The following SMTNL1 variants were observed in gnomAD, a reference collection of about 807,000 sequenced individuals.
SMTNL1 encodes the protein smoothelin-like protein 1.
A neutral mutation model predicts 46.6 loss-of-function variants in SMTNL1; 41 were observed. The ratio of observed to expected loss-of-function variants is 0.88; its 90% CI spans 0.69 to 1.14. The LOEUF is 1.14. Ranked by LOEUF, SMTNL1 falls within the 50% of genes most tolerant of loss-of-function variation. The pLI is 0.00. For synonymous variants in SMTNL1, 234 were observed against 234.2 expected (o/e 1.00, Z 0.01); for missense variants, 591 against 626.1 (o/e 0.94, Z 0.60).
intron 1 of SMTNL1, among the ~76,000 whole-genome samples, chr11:57,540,991 G>C (rs1331727818): frequency 1.2e-4 from 18 of 152,172 alleles, no homozygotes; most frequent in Non-Finnish European, 2.2e-4. Context: ...TTACAGGTGT[G>C]ATCCACCATG....
intron 1 of SMTNL1, 32 bp from the exon 2 acceptor site, chr11:57,542,609 C>A: frequency 6.4e-7 from 1 of 1,564,450 alleles, no homozygotes; most frequent in Non-Finnish European, 8.6e-7. Flanking sequence ...TGGGCTGGGG[C>A]ATGACCAGGT....
chr11:57,548,739 CCT>C (rs1944937989), intron 7 of SMTNL1, among the ~76,000 whole-genome samples: 1 of 151,868 alleles, frequency 6.6e-6, no homozygotes, highest in Non-Finnish European at 1.5e-5. Flanking sequence ...AAGAACATAC[CCT>C]GTCTCCCTTC....
chr11:57,549,485 A>C (rs1944943091), intron 7 of SMTNL1, among the ~76,000 whole-genome samples: 1 of 152,136 alleles, frequency 6.6e-6, no homozygotes, highest in Non-Finnish European at 1.5e-5. Flanking sequence ...GTGGGCTTGG[A>C]ATCAGACCCA....
chr11:57,543,116 C>T lies in SMTNL1; in HGVS notation c.474C>T (p.Asp158=), dbSNP rs1289982193. Residue 158 remains aspartate (D), a synonymous_variant, in exon 2 of 8, where the codon GAC becomes GAT. Coordinates refer to ENST00000527972, the MANE Select transcript of SMTNL1 (RefSeq NM_001105565.3). Reference sequence around the variant, plus strand: ...AGAAAGCCGATGCCAATGACAGAGACAAGCCTGAACCTAAGGCAACAGTTG... The same window carrying T: ...AGAAAGCCGATGCCAATGACAGAGATAAGCCTGAACCTAAGGCAACAGTTG... ...SGQKADANDR[D]KPEPKATVEE... 3 of 1,612,632 alleles carry T rather than the reference C, an allele frequency of 1.9e-6. No homozygotes were observed. The highest frequency in any genetic ancestry group is 2.5e-6 in the Non-Finnish European group (3 of 1,179,318).
chr11:57,545,378 G>C (rs1297143291), intron 4 of SMTNL1, among the ~76,000 whole-genome samples: 1 of 151,722 alleles, frequency 6.6e-6, no homozygotes, highest in African/African-American at 2.4e-5. Context: ...GCTGAGGCGG[G>C]TAGATCACTT....
Position 57,542,930 on chromosome 11 carries a change from G to A in SMTNL1, c.288G>A (p.Lys96=), listed in dbSNP as rs1944891083. 1 of 1,605,018 alleles carries A rather than the reference G, an allele frequency of 6.2e-7. No individual in the cohort carries two copies. The highest frequency in any genetic ancestry group is 1.3e-5 in the African/African-American group (1 of 74,800). ...AGGATGCTGAGGCTGAACTTAAAAAGGAGGATGGTGAGAAGGAAGAGACCA... is the reference window on the plus strand; with the variant it reads ...AGGATGCTGAGGCTGAACTTAAAAAAGAGGATGGTGAGAAGGAAGAGACCA... ...GKEDAEAELK[K]EDGEKEETTV... Residue 96 remains lysine, a synonymous_variant, in exon 2 of 8, where the codon AAG becomes AAA. Coordinates refer to ENST00000527972, the MANE Select transcript of SMTNL1 (RefSeq NM_001105565.3).
At chr11:57,544,281 G>T (rs2848638) in intron 4 of SMTNL1, among the ~76,000 whole-genome samples, 67,358 of 152,028 alleles carry the variant, frequency 0.44, 15,358 homozygotes, top group East Asian at 0.73. Flanking sequence ...TCGGGAGGCT[G>T]AGGCAGGATA....
At position 57,546,515 on chromosome 11, in the gene SMTNL1, G is replaced by C; in HGVS notation, c.1203G>C (p.Gln401His). ...GCCTGCCATAGCATGTGGACATCCA[G>C]AACTTCTCCTCCAGCTGGAGCAGTG... ...MTKKYEHVDI[Q>H]NFSSSWSSGM... Residue 401 changes from glutamine to histidine, a missense_variant, in exon 7 of 8, where the codon CAG (glutamine) becomes CAC (histidine). Coordinates refer to ENST00000527972, the MANE Select transcript of SMTNL1 (RefSeq NM_001105565.3). 6.2e-7 allele frequency: 1 copy of C among 1,614,208 alleles called. No homozygotes were observed. Among genetic ancestry groups the C allele is most frequent in the Non-Finnish European group, 8.5e-7 (1 of 1,180,026 alleles).
intron 7 of SMTNL1, 63 bp downstream of exon 7, chr11:57,546,715 G>C: frequency 6.4e-7 from 1 of 1,559,794 alleles, no homozygotes; most frequent in African/African-American, 1.4e-5. Context: ...GGATTCACAG[G>C]GGTTGAGTAG....
intron 3 of SMTNL1, 55 bp downstream of exon 3, chr11:57,543,811 C>T (rs1590802904): frequency 3.2e-6 from 5 of 1,558,116 alleles, no homozygotes; most frequent in East Asian, 2.4e-5. Context: ...GGGGGAGGGG[C>T]GCAAGAAGCA....
Position 57,542,618 on chromosome 11 carries a change from G to T in SMTNL1, c.-2-23G>T, listed in dbSNP as rs570847768. ...TCATGCTGGGCTGGGGCATGACCAG[G>T]TCTGCTTGTCTTCTCTTTCCAGAGA... On this transcript the variant is annotated intron_variant, in intron 1 of 7. Coordinates refer to ENST00000527972, the MANE Select transcript of SMTNL1 (RefSeq NM_001105565.3). 9.7e-5 allele frequency: 154 copies of T among 1,580,104 alleles called. 1 individual carries two copies. In the South Asian group the frequency reaches 1.7e-3, roughly 17 times the overall value.
At position 57,545,993 on chromosome 11, in the gene SMTNL1, C is replaced by G; in HGVS notation, c.1030C>G (p.Pro344Ala). The G allele has an allele frequency of 2.5e-6, 4 of 1,605,284 alleles. No homozygotes were observed. The highest frequency in any genetic ancestry group is 2.6e-6 in the Non-Finnish European group (3 of 1,176,434). The part of the protein sequence containing the change: ...RVSAPARPRG[P>A]RAQNRKAIVD... ...ATCAGCCCCTGCTCGGCCCCGGGGG[C>G]CCCGGGCACAGAACCGCAAAGCCAT... Residue 344 changes from proline (P) to alanine (A), a missense_variant, in exon 5 of 8, where the codon CCC becomes GCC. Pro to Ala is a conservative substitution (Grantham distance 27, BLOSUM62 -1). Transcript: ENST00000527972.
At chr11:57,539,571 C>T (rs1383164622) in intron 1 of SMTNL1, among the ~76,000 whole-genome samples, 1 of 152,208 alleles carries the variant, frequency 6.6e-6, no homozygotes, top group African/African-American at 2.4e-5. Flanking sequence ...GTGCTGAGTA[C>T]TCATTCATGC....
At chr11:57,548,694 A>G (rs1944937729) in intron 7 of SMTNL1, among the ~76,000 whole-genome samples, 2 of 152,080 alleles carry the variant, frequency 1.3e-5, no homozygotes, top group Admixed American at 1.3e-4. Context: ...AAATACATTA[A>G]AAATATATAA....
intron 1 of SMTNL1, among the ~76,000 whole-genome samples, chr11:57,542,134 AC>A (rs1179996099): frequency 1.3e-5 from 2 of 150,258 alleles, no homozygotes; most frequent in Non-Finnish European, 3.0e-5. Flanking sequence ...ACACACACAC[AC>A]ACACACACAA....
intron 1 of SMTNL1, chr11:57,541,562 G>A (rs779912462): frequency 3.3e-5 from 45 of 1,366,716 alleles, no homozygotes; most frequent in African/African-American, 4.4e-5. Flanking sequence ...GGGAGAGTAC[G>A]GCTCCATTCT....
At position 57,549,980 on chromosome 11, in the gene SMTNL1, CTG is replaced by C; in HGVS notation, c.1356_1357del (p.Ala453SerfsTer7). On this transcript the variant is annotated frameshift_variant, in exon 8 of 8. Transcript: ENST00000527972. LOFTEE classifies it high-confidence loss of function. Reference sequence around the variant, plus strand: ...CCCCATTCCTTAGGAAACTGGCTGACTGTGCTCAGCTGCTGGACGTGGATGAC... The same window carrying C: ...CCCCATTCCTTAGGAAACTGGCTGACTGCTCAGCTGCTGGACGTGGATGAC... ...AFSTAEKLAD[C>X]AQLLDVDDMV... 6.2e-7 allele frequency: 1 copy of C among 1,613,970 alleles called. No individual in the cohort carries two copies.
rs1296815962 is a variant in SMTNL1 at position 57,550,095 on chromosome 11, A to C, written c.1468A>C (p.Lys490Gln). 3 of 1,613,272 alleles carry C rather than the reference A, an allele frequency of 1.9e-6. No homozygotes were observed. The highest frequency in any genetic ancestry group is 2.2e-5 in the South Asian group (2 of 90,928). The change falls in exon 8 of 8, where the codon AAG (lysine) becomes CAG (glutamine). Residue 490 changes from lysine (K) to glutamine (Q), a missense_variant. By Grantham distance (53) the Lys-to-Gln change is moderately conservative. Transcript: ENST00000527972. The part of the protein sequence containing the change: ...YRSLVQKGLV[K>Q]TKKK The stretch of plus-strand genomic sequence containing the variant: ...CAGCCTTGTGCAGAAAGGACTGGTG[A>C]AGACCAAGAAGAAGTGAGGAGGTGA...
At chr11:57,542,111 A>ACACACACACACACAC (rs1491501897) in intron 1 of SMTNL1, among the ~76,000 whole-genome samples, 49 of 87,970 alleles carry the variant, frequency 5.6e-4, no homozygotes, top group African/African-American at 1.8e-3. Flanking sequence ...CTACAAAAAA[A>ACACACACACACACAC]AAACACACAC....
Sources: gnomAD v4.1 joint callset for allele counts (sites outside exome capture counted in the v4.1 genomes callset) on GRCh38, gnomAD v4.1.1 for gene constraint, MANE v1.5 for transcripts, NCBI Gene and HGNC (gene_info 2026-07-23, HGNC 2026-07-21) for gene names.